NACAD: variants seen among roughly 807,000 people sequenced by gnomAD.
NACAD encodes NAC-alpha domain-containing protein 1.
A neutral mutation model predicts 98.9 loss-of-function variants in NACAD; 47 were observed. The observed-to-expected ratio is 0.48, with a 90% CI of 0.38 to 0.61. NACAD has a LOEUF of 0.61. Ranked by LOEUF, NACAD falls within the 20% of genes least tolerant of loss-of-function variation. The probability of loss-of-function intolerance (pLI) is 0.00; values close to 1 mark genes in which losing one functional copy is unlikely to be tolerated. For missense variants in NACAD, 1,412 were observed against 1,748.2 expected (o/e 0.81, Z 3.43); for synonymous variants, 696 against 767.2 (o/e 0.91, Z 1.53).
chr7:45,087,267 A>T (rs1330546648), intron 1 of NACAD, among the ~76,000 whole-genome samples: 1 of 152,214 alleles, frequency 6.6e-6, no homozygotes, highest in African/African-American at 2.4e-5. Flanking sequence ...TTTTGAATCT[A>T]GCTATTTTCA....
In NACAD at chr7:45,080,737, C is replaced by T. The variant is rs371048713; in HGVS notation, c.4577G>A (p.Arg1526His). The stretch of plus-strand genomic sequence containing the variant: ...CTGCGCCATCACCAGCTCAATGTCA[C>T]GCAGTTCCAGCCCCGCCTCGTCCAC... ...EEVDEAGLELRDIELVMAQAN... is the reference protein window; with the variant it reads ...EEVDEAGLELHDIELVMAQAN... The change falls in exon 7 of 8, where the codon CGT becomes CAT. Residue 1526 changes from arginine (R) to histidine (H), a missense_variant. Coordinates refer to ENST00000490531, the MANE Select transcript of NACAD (RefSeq NM_001146334.2). 9 of 1,550,868 alleles carry T rather than the reference C, an allele frequency of 5.8e-6. No homozygotes were observed. Among genetic ancestry groups the T allele is most frequent in the African/African-American group, 4.1e-5 (3 of 73,048 alleles).
intron 1 of NACAD, among the ~76,000 whole-genome samples, chr7:45,086,480 G>A (rs552011241): frequency 2.0e-5 from 3 of 152,290 alleles, no homozygotes; most frequent in East Asian, 1.9e-4. Context: ...AGCTGGGCTC[G>A]GTGGGAGGGG....
In NACAD at chr7:45,088,806, GAA is replaced by G. The variant is rs1214309303; in HGVS notation, c.67+20_67+21del. ...GGAGAGGGGAGAGGCTGAAGGCAGG[GAA>G]AGAGTGGCCACGGCCTCACCTGTGC... On this transcript the variant is annotated intron_variant, in intron 1 of 7. Transcript: ENST00000490531. The surrounding 1 kb of genome is among the most constrained non-coding windows in gnomAD (Gnocchi z 5.7). The G allele has an allele frequency of 2.7e-6, 4 of 1,480,492 alleles. No homozygotes were observed. Among genetic ancestry groups the G allele is most frequent in the Non-Finnish European group, 3.6e-6 (4 of 1,118,990 alleles). The allele number at this position is 1,480,492 out of a possible 1,614,324, so 91.7% of individuals were successfully genotyped here.
chr7:45,081,397 C>T, intron 4 of NACAD, 134 bp from the exon 5 acceptor site: 1 of 1,330,180 alleles, frequency 7.5e-7, no homozygotes, highest in South Asian at 1.5e-5. Context: ...GTTGGTCCTT[C>T]CCCATGAGCC....
intron 1 of NACAD, among the ~76,000 whole-genome samples, chr7:45,086,664 T>C (rs1322459732): frequency 2.6e-5 from 4 of 152,228 alleles, no homozygotes; most frequent in Non-Finnish European, 5.9e-5. Context: ...GAGGCCAACA[T>C]GTCAGGGTTT....
At position 45,082,878 on chromosome 7, in the gene NACAD, C is replaced by T. The variant is rs1391686103; in HGVS notation, c.3302G>A (p.Arg1101Lys). 6.4e-7 allele frequency: 1 copy of T among 1,550,650 alleles called. No individual in the cohort carries two copies. The highest frequency in any genetic ancestry group is 8.7e-7 in the Non-Finnish European group (1 of 1,146,944). The stretch of plus-strand genomic sequence containing the variant: ...AGCAGGAGGCGCATCGGGGACCTCC[C>T]TTGCACCTCCAAGTGCTGACCTGGG... ...HGPRSALGGA[R>K]EVPDAPPAAC... The change falls in exon 2 of 8, where the codon AGG becomes AAG. Residue 1101 changes from arginine to lysine, a missense_variant. Arg to Lys is a conservative substitution (Grantham distance 26). This residue lies in a region of NACAD where 572 missense variants were observed against 639.6 expected (regional missense o/e 0.89). Transcript: ENST00000490531. The surrounding 1 kb of genome is among the most constrained non-coding windows in gnomAD (Gnocchi z 4.5).
chr7:45,084,670 G>A lies in NACAD; in HGVS notation c.1510C>T (p.Pro504Ser), dbSNP rs892338703. The stretch of plus-strand genomic sequence containing the variant: ...TCTGTTTCTTCCTCCCCAGCCTGTG[G>A]GGTCACTCTGGTAGCCACCTCCACC... ...LQVEVATRVT[P>S]QAGEEETDST... is the part of the protein sequence containing the mutation. Residue 504 changes from proline to serine, a missense_variant, in exon 2 of 8, where the codon CCA (proline) becomes TCA (serine). Pro to Ser is a moderately conservative substitution (Grantham distance 74). Coordinates refer to ENST00000490531, the MANE Select transcript of NACAD (RefSeq NM_001146334.2). 14 of 1,550,882 alleles carry A rather than the reference G, an allele frequency of 9.0e-6. No individual in the cohort carries two copies. In the African/African-American group the frequency reaches 1.8e-4, roughly 20 times the overall value.
In NACAD at chr7:45,085,489, A is replaced by C; in HGVS notation, c.691T>G (p.Ser231Ala). The C allele has an allele frequency of 1.9e-6, 3 of 1,550,798 alleles. No homozygotes were observed. The highest frequency in any genetic ancestry group is 2.6e-6 in the Non-Finnish European group (3 of 1,146,940). ...AGCAGGCTGAGGGAACAGGAGGGTG[A>C]AGAGGCCCAGCTGTCCCCATCGGCC... is the stretch of plus-strand genomic sequence containing the variant. ...ITADGDSWASSPSCSLSLLAP... is the reference protein window; with the variant it reads ...ITADGDSWASAPSCSLSLLAP... Residue 231 changes from serine (S) to alanine (A), a missense_variant, in exon 2 of 8, where the codon TCA becomes GCA. Physicochemically the swap from Ser to Ala is moderately conservative, Grantham distance 99. Around this residue, in one of 5 missense-constraint regions of NACAD, gnomAD observed 638 missense variants for 722.7 expected, o/e 0.88. Transcript: ENST00000490531. The surrounding 1 kb of genome is among the most constrained non-coding windows in gnomAD (Gnocchi z 6.1).
Position 45,082,635 on chromosome 7 carries a change from G to A in NACAD, c.3545C>T (p.Pro1182Leu), listed in dbSNP as rs764822630. The A allele has an allele frequency of 1.2e-5, 18 of 1,514,194 alleles. No homozygotes were observed. Among genetic ancestry groups the A allele is most frequent in the Non-Finnish European group, 1.5e-5 (17 of 1,127,382 alleles). 93.8% of individuals were successfully genotyped at this position (1,514,194 alleles called of 1,614,324 possible). A position where few individuals can be genotyped will look rare whatever the true frequency, so the allele number is the denominator to read the frequency against. The change falls in exon 2 of 8, where the codon CCG (proline) becomes CTG (leucine). Residue 1182 changes from proline to leucine, a missense_variant. Physicochemically the swap from Pro to Leu is moderately conservative, Grantham distance 98. This residue lies in a region of NACAD where 572 missense variants were observed against 639.6 expected (regional missense o/e 0.89). Transcript: ENST00000490531. The surrounding 1 kb of genome is among the most constrained non-coding windows in gnomAD (Gnocchi z 4.5). Reference protein sequence around the residue: ...APTSAPTSQQPEPVLGLGSVE... With the variant: ...APTSAPTSQQLEPVLGLGSVE... Reference sequence around the variant, plus strand: ...ACTGCCCAGACCCAGTACAGGCTCCGGCTGCTGGGAGGTTGGTGCAGACGT... The same window carrying A: ...ACTGCCCAGACCCAGTACAGGCTCCAGCTGCTGGGAGGTTGGTGCAGACGT...
Position 45,084,813 on chromosome 7 carries a change from GC to G in NACAD, c.1366del (p.Ala456ProfsTer9). ...CAATTCCTGTCTCTGGGACAGATAGGCCCCTCTGTCTGAGGTCTGAGGAGCA... is the reference window on the plus strand; with the variant it reads ...CAATTCCTGTCTCTGGGACAGATAGGCCCTCTGTCTGAGGTCTGAGGAGCA... ...EAAPQTSDRG[A>X]YLSQRQELIS... On this transcript the variant is annotated frameshift_variant, in exon 2 of 8. Transcript: ENST00000490531. LOFTEE classifies it high-confidence loss of function. 6.4e-7 allele frequency: 1 copy of G among 1,550,836 alleles called. No individual in the cohort carries two copies. Among genetic ancestry groups the G allele is most frequent in the Non-Finnish European group, 8.7e-7 (1 of 1,146,928 alleles).
In NACAD at chr7:45,085,990, G is replaced by A. The variant is rs1784517163; in HGVS notation, c.190C>T (p.Arg64Trp). 1.3e-6 allele frequency: 2 copies of A among 1,537,018 alleles called. No individual in the cohort carries two copies. The highest frequency in any genetic ancestry group is 1.7e-4 in the Middle Eastern group (1 of 5,740). The stretch of plus-strand genomic sequence containing the variant: ...CAGCTGGCTCCCTCGGGCTGGGGCC[G>A]GGCACCCGGCTTGCTGGGCAGGAAC... ...LTFLPSKPGA[R>W]PQPEGASWDA... Residue 64 changes from arginine (R) to tryptophan (W), a missense_variant, in exon 2 of 8, where the codon CGG (arginine) becomes TGG (tryptophan). This residue lies in a region of NACAD where 638 missense variants were observed against 722.7 expected (regional missense o/e 0.88). Transcript: ENST00000490531. This position sits in a 1 kb window ranked among gnomAD's most constrained non-coding sequence, Gnocchi z 6.1.
In NACAD at chr7:45,085,957, C is replaced by T. The variant is rs1358229527; in HGVS notation, c.223G>A (p.Gly75Arg). 3 of 1,538,188 alleles carry T rather than the reference C, an allele frequency of 2.0e-6. No individual in the cohort carries two copies. Among genetic ancestry groups the T allele is most frequent in the Non-Finnish European group, 1.8e-6 (2 of 1,141,406 alleles). ...CAGGCCGAGGGTGCCCCACCAGGCC[C>T]TGCATCCCAGCTGGCTCCCTCGGGC... ...PQPEGASWDAGPGGAPSAWAD... is the reference protein window; with the variant it reads ...PQPEGASWDARPGGAPSAWAD... The change falls in exon 2 of 8, where the codon GGG becomes AGG. Residue 75 changes from glycine to arginine, a missense_variant. By Grantham distance (125) the Gly-to-Arg change is moderately radical (BLOSUM62 -2). Around this residue, in one of 5 missense-constraint regions of NACAD, gnomAD observed 638 missense variants for 722.7 expected, o/e 0.88. Transcript: ENST00000490531. The surrounding 1 kb of genome is among the most constrained non-coding windows in gnomAD (Gnocchi z 6.1).
Position 45,081,829 on chromosome 7 carries a change from T to C in NACAD, c.4111A>G (p.Ser1371Gly). The change falls in exon 3 of 8, where the codon AGC becomes GGC. Residue 1371 changes from serine (S) to glycine (G), a missense_variant. By Grantham distance (56) the Ser-to-Gly change is moderately conservative. Around this residue, in one of 5 missense-constraint regions of NACAD, gnomAD observed 572 missense variants for 639.6 expected, o/e 0.89. Transcript: ENST00000490531. ...RALGSGQHSD[S>G]HGESSAELDE... is the part of the protein sequence containing the mutation. ...AGCTCGGCTGATGACTCCCCGTGGC[T>C]ATCCGAATGCTGGCCCGAGCCCAGG... 2 of 1,549,308 alleles carry C rather than the reference T, an allele frequency of 1.3e-6. No individual in the cohort carries two copies. Among genetic ancestry groups the C allele is most frequent in the Non-Finnish European group, 1.7e-6 (2 of 1,146,942 alleles).
chr7:45,088,785 A>AG lies in NACAD; in HGVS notation c.67+42dup. The AG allele has an allele frequency of 6.9e-7, 1 of 1,447,994 alleles. No individual in the cohort carries two copies. The allele number at this position is 1,447,994 out of a possible 1,614,324, so 89.7% of individuals were successfully genotyped here. On this transcript the variant is annotated intron_variant, in intron 1 of 7. Coordinates refer to ENST00000490531, the MANE Select transcript of NACAD (RefSeq NM_001146334.2). This position sits in a 1 kb window ranked among gnomAD's most constrained non-coding sequence, Gnocchi z 5.7. ...GATGGAAAGAGAACCCGGGCTGGAG[A>AG]GGGGAGAGGCTGAAGGCAGGGAAAG...
chr7:45,083,352 G>A lies in NACAD; in HGVS notation c.2828C>T (p.Ala943Val). The A allele has an allele frequency of 1.9e-6, 3 of 1,551,372 alleles. No homozygotes were observed. The South Asian group carries it at 3.6e-5, about 18-fold the overall frequency. ...PTSGPEPLAV[A>V]TPQTLQAEAG... Reference sequence around the variant, plus strand: ...TTCTGCCTGCAAGGTTTGAGGGGTGGCCACAGCCAGAGGCTCTGGACCTGA... The same window carrying A: ...TTCTGCCTGCAAGGTTTGAGGGGTGACCACAGCCAGAGGCTCTGGACCTGA... The change falls in exon 2 of 8, where the codon GCC becomes GTC. Residue 943 changes from alanine (A) to valine (V), a missense_variant. Ala to Val is a moderately conservative substitution (Grantham distance 64). Coordinates refer to ENST00000490531, the MANE Select transcript of NACAD (RefSeq NM_001146334.2).
rs1472350061 is a variant in NACAD, at chr7:45,088,936, C to A, written c.-42G>T. 5.4e-6 allele frequency: 7 copies of A among 1,295,336 alleles called. No homozygotes were observed. Among genetic ancestry groups the A allele is most frequent in the Non-Finnish European group, 6.9e-6 (7 of 1,021,868 alleles). 80.2% of individuals were successfully genotyped at this position (1,295,336 alleles called of 1,614,324 possible). The stretch of plus-strand genomic sequence containing the variant: ...CGCCCGTCCCTCAGTCCTTCCGACC[C>A]TCCGTCAGTCCGTGCCGCCGCCCCG... On this transcript the variant is annotated 5_prime_UTR_variant, in exon 1 of 8. The change creates a new upstream start codon in the 5' untranslated region. Coordinates refer to ENST00000490531, the MANE Select transcript of NACAD (RefSeq NM_001146334.2). The surrounding 1 kb of genome is among the most constrained non-coding windows in gnomAD (Gnocchi z 5.7).
Position 45,084,511 on chromosome 7 carries a change from A to G in NACAD, c.1669T>C (p.Leu557=). The G allele has an allele frequency of 1.9e-6, 3 of 1,552,294 alleles. No homozygotes were observed. Among genetic ancestry groups the G allele is most frequent in the Non-Finnish European group, 2.6e-6 (3 of 1,147,126 alleles). The change falls in exon 2 of 8, where the codon TTG becomes CTG. Residue 557 remains leucine, a synonymous_variant. Coordinates refer to ENST00000490531, the MANE Select transcript of NACAD (RefSeq NM_001146334.2). ...PTPQEETSLT[L]CPDSPQNLKE... is the part of the protein sequence containing the mutation. ...AAGTTCTGAGGAGAGTCTGGACACA[A>G]TGTGAGGCTTGTTTCTTCCTGTGGA... is the stretch of plus-strand genomic sequence containing the variant.
chr7:45,082,078 A>G lies in NACAD; in HGVS notation c.4072+30T>C. The G allele has an allele frequency of 6.8e-7, 1 of 1,462,634 alleles. No homozygotes were observed. The highest frequency in any genetic ancestry group is 9.0e-7 in the Non-Finnish European group (1 of 1,106,178). 90.6% of individuals were successfully genotyped at this position (1,462,634 alleles called of 1,614,324 possible). ...GAGGAGTCCAGTTGACCCAAGCCCC[A>G]GGGCACTTCACTCCCACCCTCTGCC... On this transcript the variant is annotated intron_variant, in intron 2 of 7. Coordinates refer to ENST00000490531, the MANE Select transcript of NACAD (RefSeq NM_001146334.2). This position sits in a 1 kb window ranked among gnomAD's most constrained non-coding sequence, Gnocchi z 4.5.
Position 45,083,353 on chromosome 7 carries a change from C to T in NACAD, c.2827G>A (p.Ala943Thr). The T allele has an allele frequency of 6.4e-7, 1 of 1,551,370 alleles. No homozygotes were observed. The highest frequency in any genetic ancestry group is 8.7e-7 in the Non-Finnish European group (1 of 1,147,022). Residue 943 changes from alanine to threonine, a missense_variant, in exon 2 of 8, where the codon GCC becomes ACC. Transcript: ENST00000490531. ...PTSGPEPLAVATPQTLQAEAG... is the reference protein window; with the variant it reads ...PTSGPEPLAVTTPQTLQAEAG... ...TCTGCCTGCAAGGTTTGAGGGGTGG[C>T]CACAGCCAGAGGCTCTGGACCTGAG...
Sources: allele counts gnomAD v4.1 joint callset (sites outside exome capture counted in the v4.1 genomes callset), GRCh38; gene constraint gnomAD v4.1.1; regional missense constraint gnomAD v4.1.1; non-coding constraint Gnocchi (gnomAD v3.1); transcripts MANE v1.5; gene names NCBI Gene and HGNC (gene_info 2026-07-23, HGNC 2026-07-21).